Variants in FTCDNL1 observed in about 807,000 individuals in gnomAD.
FTCDNL1 encodes formiminotransferase cyclodeaminase N-terminal like.
Under a neutral mutation model 5.9 loss-of-function variants are expected in FTCDNL1, and 11 were observed. That is an observed-to-expected ratio of 1.87 (90% CI 1.18 to 3.10). The LOEUF (loss-of-function observed/expected upper bound fraction) is 3.10, where lower values mean the gene tolerates loss of function less well. Among genes scored for constraint, FTCDNL1 ranks in the 30% most tolerant of loss-of-function variants. FTCDNL1 has a pLI of 0.00. For missense variants in FTCDNL1, 115 were observed against 65.5 expected (o/e 1.76, Z -2.61); for synonymous variants, 58 against 24.8 (o/e 2.34, Z -3.99).
downstream of FTCDNL1, among the ~76,000 whole-genome samples, chr2:199,806,877 G>A (rs1480171243): frequency 6.6e-6 from 1 of 152,094 alleles, no homozygotes; most frequent in Non-Finnish European, 1.5e-5. Context: ...AAACACAAAG[G>A]GGCTGATAGA....
the FTCDNL1 span, among the ~76,000 whole-genome samples, chr2:199,673,030 T>A: frequency 1.3e-5 from 2 of 151,922 alleles, no homozygotes; most frequent in South Asian, 4.2e-4. Flanking sequence ...CAACTGCAAA[T>A]GAAAGTCACA....
chr2:199,749,158 C>T, the FTCDNL1 span, among the ~76,000 whole-genome samples: 7 of 152,220 alleles, frequency 4.6e-5, no homozygotes, highest in Non-Finnish European at 1.0e-4. Context: ...ACGGAAGGGG[C>T]ATCTTCATCA....
chr2:199,737,604 G>A, the FTCDNL1 span, among the ~76,000 whole-genome samples: 1 of 152,156 alleles, frequency 6.6e-6, no homozygotes. Flanking sequence ...CAATCTTTTA[G>A]AGAGATGAAA....
chr2:199,736,354 C>A, the FTCDNL1 span, among the ~76,000 whole-genome samples: 5 of 152,198 alleles, frequency 3.3e-5, no homozygotes, highest in African/African-American at 1.2e-4. Context: ...CTGCCTTAGT[C>A]AACCTTAAAC....
intron 3 of FTCDNL1, chr2:199,760,856 G>A (rs796890338): frequency 7.1e-6 from 5 of 702,306 alleles, no homozygotes; most frequent in South Asian, 5.9e-5. Flanking sequence ...GGGAAGGAGA[G>A]ATTAGTATTT....
At chr2:199,698,930 G>C in the FTCDNL1 span, among the ~76,000 whole-genome samples, 1 of 152,154 alleles carries the variant, frequency 6.6e-6, no homozygotes, top group East Asian at 1.9e-4. Flanking sequence ...AATGGCAAAG[G>C]GGATATTACC....
At chr2:199,702,343 G>A in the FTCDNL1 span, among the ~76,000 whole-genome samples, 1 of 152,042 alleles carries the variant, frequency 6.6e-6, no homozygotes, top group Non-Finnish European at 1.5e-5. Flanking sequence ...CAGAATTCGA[G>A]TCATCACATG....
At chr2:199,692,279 A>G in the FTCDNL1 span, among the ~76,000 whole-genome samples, 1 of 152,212 alleles carries the variant, frequency 6.6e-6, no homozygotes, top group African/African-American at 2.4e-5. Flanking sequence ...CAAGAAAGAG[A>G]GAAATGCAAC....
the FTCDNL1 span, among the ~76,000 whole-genome samples, chr2:199,705,941 G>A: frequency 2.0e-5 from 3 of 152,188 alleles, no homozygotes; most frequent in African/African-American, 2.4e-5. Context: ...TATGAACCAA[G>A]CCTTCATTCT....
At chr2:199,787,546 C>T (rs140439730) in intron 3 of FTCDNL1, among the ~76,000 whole-genome samples, 43 of 152,268 alleles carry the variant, frequency 2.8e-4, no homozygotes, top group African/African-American at 1.0e-3. Flanking sequence ...GGGATTAAGA[C>T]ATTGAGACTT....
At chr2:199,822,977 A>G (rs1055458428) in intron 3 of FTCDNL1, among the ~76,000 whole-genome samples, 5 of 152,078 alleles carry the variant, frequency 3.3e-5, no homozygotes, top group Non-Finnish European at 7.4e-5. Flanking sequence ...CAGCCTCCCA[A>G]GTAGCTGGGA....
chr2:199,685,268 A>G, the FTCDNL1 span, among the ~76,000 whole-genome samples: 1 of 152,164 alleles, frequency 6.6e-6, no homozygotes. Context: ...CCCAGCCCAC[A>G]TGGATCACCC....
chr2:199,689,826 A>G, the FTCDNL1 span, among the ~76,000 whole-genome samples: 1 of 151,746 alleles, frequency 6.6e-6, no homozygotes, highest in African/African-American at 2.4e-5. Flanking sequence ...AAAAAAAAAA[A>G]AAAGAATATA....
intron 3 of FTCDNL1, among the ~76,000 whole-genome samples, chr2:199,773,362 A>C (rs1698905967): frequency 6.6e-6 from 1 of 152,170 alleles, no homozygotes; most frequent in African/African-American, 2.4e-5. Context: ...GGAGGGCCAC[A>C]ATAACCCTTT....
chr2:199,672,178 C>T, the FTCDNL1 span, among the ~76,000 whole-genome samples: 4 of 152,240 alleles, frequency 2.6e-5, no homozygotes, highest in East Asian at 1.9e-4. Flanking sequence ...CTTCTCTATC[C>T]GTCTTCCTCC....
intron 4 of FTCDNL1, among the ~76,000 whole-genome samples, chr2:199,815,019 A>C (rs758666456): frequency 6.6e-6 from 1 of 152,206 alleles, no homozygotes; most frequent in Non-Finnish European, 1.5e-5. Flanking sequence ...CAGTTCAAAG[A>C]ATTTTCCCTG....
intron 3 of FTCDNL1, among the ~76,000 whole-genome samples, chr2:199,784,089 C>T (rs2106336034): frequency 6.6e-6 from 1 of 152,280 alleles, no homozygotes; most frequent in East Asian, 1.9e-4. Context: ...GCTCACTACC[C>T]TTATAATTAA....
the FTCDNL1 span, among the ~76,000 whole-genome samples, chr2:199,674,540 C>A: frequency 1.2e-4 from 18 of 152,198 alleles, no homozygotes; most frequent in African/African-American, 4.1e-4. Context: ...AATTTAACAA[C>A]TATGCATTTC....
At chr2:199,798,627 C>A (rs1031330055) in intron 3 of FTCDNL1, among the ~76,000 whole-genome samples, 15 of 152,172 alleles carry the variant, frequency 9.9e-5, no homozygotes, top group Admixed American at 6.5e-4. Context: ...CATTCCACCA[C>A]GTGAGCGGCA....
Sources: gnomAD v4.1 joint callset for allele counts (sites outside exome capture counted in the v4.1 genomes callset) on GRCh38, gnomAD v4.1.1 for gene constraint, MANE v1.5 for transcripts, NCBI Gene and HGNC (gene_info 2026-07-23, HGNC 2026-07-21) for gene names.